PRCP: variants seen among roughly 807,000 people sequenced by gnomAD.
PRCP encodes prolylcarboxypeptidase.
In PRCP, 46 loss-of-function variants were observed where a neutral mutation model predicts 54.2. The ratio of observed to expected loss-of-function variants is 0.85; its 90% CI spans 0.67 to 1.09. The LOEUF is 1.09. Ranked by LOEUF, PRCP falls within the 50% of genes least tolerant of loss-of-function variation. The probability of loss-of-function intolerance (pLI) is 0.00; values close to 1 mark genes in which losing one functional copy is unlikely to be tolerated. For synonymous variants in PRCP, 240 were observed against 212.2 expected, an observed-to-expected ratio of 1.13 and a Z score of -1.14; for missense variants, 613 against 596.8, an observed-to-expected ratio of 1.03 and a Z score of -0.28.
chr11:82,831,839 T>C (rs879869701), intron 8 of PRCP, among the ~76,000 whole-genome samples: 5 of 152,162 alleles, frequency 3.3e-5, no homozygotes, highest in Non-Finnish European at 5.9e-5. Flanking sequence ...TCATCTACAT[T>C]AGGTATTTCT....
chr11:82,841,758 T>C (rs1858677917), intron 6 of PRCP, among the ~76,000 whole-genome samples: 1 of 152,176 alleles, frequency 6.6e-6, no homozygotes, highest in Non-Finnish European at 1.5e-5. Flanking sequence ...CGATTTTTCA[T>C]GGTAAGTCAA....
At position 82,895,263 on chromosome 11, in the gene PRCP, G is replaced by A. The variant is rs923668279; in HGVS notation, c.168+4972C>T. On this transcript the variant is annotated intron_variant, in intron 1 of 8. Transcript: ENST00000313010. ...GGCTGCCTCTGAGTAACTTACTCAG[G>A]TAGTGGCAGAAACAGAACTTGCTCT... Among the ~76,000 whole-genome samples, 18 of 152,300 alleles carry A rather than the reference G, an allele frequency of 1.2e-4. No homozygotes were observed. In the East Asian group the frequency reaches 3.5e-3, roughly 29 times the overall value.
At chr11:82,838,270 G>A (rs1858572363) in intron 8 of PRCP, 117 bp downstream of exon 8, 1 of 936,790 alleles carries the variant, frequency 1.1e-6, no homozygotes, top group Non-Finnish European at 1.5e-6. Flanking sequence ...AACATGACAG[G>A]TAGCACTGTT....
At chr11:82,878,205 T>C (rs891398281) in intron 1 of PRCP, among the ~76,000 whole-genome samples, 4 of 152,234 alleles carry the variant, frequency 2.6e-5, no homozygotes, top group Non-Finnish European at 5.9e-5. Context: ...AGTAACTAAC[T>C]TGCTTTTGAT....
chr11:82,899,986 G>A (rs114024339), intron 1 of PRCP: 117 of 500,004 alleles, frequency 2.3e-4, no homozygotes, highest in African/African-American at 2.1e-3. Flanking sequence ...TGACTGTCGT[G>A]TCCAATTACA....
At chr11:82,870,107 G>T (rs780753691) in intron 1 of PRCP, among the ~76,000 whole-genome samples, 19 of 152,316 alleles carry the variant, frequency 1.2e-4, no homozygotes, top group Non-Finnish European at 2.1e-4. Context: ...AAGTTTTTAA[G>T]ACTGGAAAGG....
intron 2 of PRCP, among the ~76,000 whole-genome samples, chr11:82,856,408 A>G (rs1328932940): frequency 6.6e-6 from 1 of 152,218 alleles, no homozygotes; most frequent in East Asian, 1.9e-4. Context: ...TAAGTGACCT[A>G]ATAGAGCAAC....
chr11:82,840,212 A>C (rs1432309060), intron 6 of PRCP: 2 of 152,200 alleles, frequency 1.3e-5, no homozygotes, highest in Non-Finnish European at 2.9e-5. Flanking sequence ...TATAAAAATC[A>C]GACAATATTC....
At chr11:82,870,631 T>C (rs761562432) in intron 1 of PRCP, among the ~76,000 whole-genome samples, 8 of 152,174 alleles carry the variant, frequency 5.3e-5, no homozygotes, top group Non-Finnish European at 1.2e-4. Flanking sequence ...GAGCCTAGGA[T>C]GGCAATGATT....
chr11:82,827,828 T>C (rs1000693451), intron 8 of PRCP: 1 of 152,186 alleles, frequency 6.6e-6, no homozygotes, highest in African/African-American at 2.4e-5. Context: ...TTGACAGAGA[T>C]CACGTTGAAT....
intron 8 of PRCP, 64 bp downstream of exon 8, chr11:82,838,323 T>C: frequency 6.8e-7 from 1 of 1,462,010 alleles, no homozygotes; most frequent in East Asian, 2.3e-5. Flanking sequence ...CCTGGTTCTG[T>C]TTTTTCAGAT....
In PRCP at chr11:82,900,428, G is replaced by C. The variant is rs760178090; in HGVS notation, c.-26C>G. ...GGCTCAGGCTGGAGACTGCAGTGCG[G>C]GTGGGAGGGCGAAAAGGAGGCCAGC... is the stretch of plus-strand genomic sequence containing the variant. On this transcript the variant is annotated 5_prime_UTR_variant, in exon 1 of 9. Transcript: ENST00000313010. 55 of 1,609,412 alleles carry C rather than the reference G, an allele frequency of 3.4e-5. No individual in the cohort carries two copies. The East Asian group carries it at 1.2e-3, about 35-fold the overall frequency.
chr11:82,900,984 T>C (rs1860275537), upstream of PRCP: 1 of 407,886 alleles, frequency 2.5e-6, no homozygotes, highest in South Asian at 1.8e-5. Flanking sequence ...GTGCGTCGTA[T>C]ATGATTGTTA....
chr11:82,847,432 C>A (rs1053926632), intron 6 of PRCP, among the ~76,000 whole-genome samples: 1 of 152,170 alleles, frequency 6.6e-6, no homozygotes, highest in African/African-American at 2.4e-5. Flanking sequence ...TTGGATTATA[C>A]CTCTTTTTCT....
At chr11:82,855,803 C>T (rs1859068854) in intron 2 of PRCP, among the ~76,000 whole-genome samples, 1 of 152,074 alleles carries the variant, frequency 6.6e-6, no homozygotes, top group African/African-American at 2.4e-5. Flanking sequence ...CAATGAGATA[C>T]CATCTCATAC....
intron 2 of PRCP, among the ~76,000 whole-genome samples, chr11:82,857,034 CA>C (rs11388763): frequency 1.0e-4 from 12 of 119,016 alleles, no homozygotes; most frequent in East Asian, 2.4e-4. Flanking sequence ...GCCTCTGTCT[CA>C]AAAAAAAAAA....
intron 1 of PRCP, among the ~76,000 whole-genome samples, chr11:82,892,208 C>T (rs1860020819): frequency 6.6e-6 from 1 of 152,114 alleles, no homozygotes; most frequent in South Asian, 2.1e-4. Flanking sequence ...AAAAACATGA[C>T]TCACAATATT....
intron 6 of PRCP, among the ~76,000 whole-genome samples, chr11:82,844,192 T>C (rs1858745562): frequency 6.6e-6 from 1 of 152,134 alleles, no homozygotes; most frequent in South Asian, 2.1e-4. Context: ...ACAATTGTTA[T>C]TATACACATT....
intron 7 of PRCP, 70 bp from the exon 8 acceptor site, chr11:82,838,644 A>T: frequency 6.8e-7 from 1 of 1,474,444 alleles, no homozygotes; most frequent in Admixed American, 1.9e-5. Context: ...AATTACACAA[A>T]GTCATAATGC....
Sources: allele counts gnomAD v4.1 joint callset (sites outside exome capture counted in the v4.1 genomes callset), GRCh38; gene constraint gnomAD v4.1.1; transcripts MANE v1.5; gene names NCBI Gene and HGNC (gene_info 2026-07-23, HGNC 2026-07-21).